The following LY75 variants were observed in gnomAD, a reference collection of about 807,000 sequenced individuals.
The protein encoded by LY75 is lymphocyte antigen 75, also known as C-type lectin domain family 13 member B.
LY75 carries 185 observed loss-of-function variants against 231.7 expected under a neutral mutation model. That is an observed-to-expected ratio of 0.80 (90% CI 0.71 to 0.90). The LOEUF (loss-of-function observed/expected upper bound fraction) is 0.90, where lower values mean the gene tolerates loss of function less well. Among genes scored for constraint, LY75 ranks in the 40% least tolerant of loss-of-function variants. The pLI, the probability that LY75 is intolerant of heterozygous loss-of-function variation, is 0.00. For synonymous variants in LY75, 668 were observed against 689.0 expected (o/e 0.97, Z 0.48); for missense variants, 1,947 against 2,050.2 (o/e 0.95, Z 0.97).
intron 16 of LY75, among the ~76,000 whole-genome samples, 169 bp from the exon 17 acceptor site, chr2:159,855,108 G>A (rs1456739101): frequency 6.6e-6 from 1 of 152,168 alleles, no homozygotes. Context: ...TTGTAGGGCC[G>A]ATGCTAAACC....
At chr2:159,890,072 T>C (rs1685703332) in intron 4 of LY75, 141 bp downstream of exon 4, 1 of 1,064,640 alleles carries the variant, frequency 9.4e-7, no homozygotes, top group Non-Finnish European at 1.3e-6. Flanking sequence ...TTTTTGCTTA[T>C]GGGTTTCAGT....
At chr2:159,849,277 G>A (rs1053806979) in intron 23 of LY75, among the ~76,000 whole-genome samples, 1 of 152,154 alleles carries the variant, frequency 6.6e-6, no homozygotes, top group African/African-American at 2.4e-5. Flanking sequence ...TGCCCTTTGT[G>A]CAAAAGGTAA....
rs1685980881 is a variant in LY75 at position 159,898,831 on chromosome 2, C to T, written c.323G>A (p.Trp108Ter). Residue 108 changes from tryptophan to a stop codon, truncating the protein, a stop_gained, in exon 2 of 35, where the codon TGG becomes TAG. Coordinates refer to ENST00000263636, the MANE Select transcript of LY75 (RefSeq NM_002349.4). LOFTEE classifies it high-confidence loss of function. ...GTACAGAGAGTGGTGCTCACATTTCCACCACAGCATGGCACTGGAGTCACA... is the reference window on the plus strand; with the variant it reads ...GTACAGAGAGTGGTGCTCACATTTCTACCACAGCATGGCACTGGAGTCACA... ...FSCDSSAMLW[W>*]KCEHHSLYGA... The T allele has an allele frequency of 6.2e-7, 1 of 1,614,214 alleles. No homozygotes were observed. Among genetic ancestry groups the T allele is most frequent in the African/African-American group, 1.3e-5 (1 of 75,052 alleles).
Position 159,898,700 on chromosome 2 carries a change from G to A in LY75, c.454C>T (p.Gln152Ter), listed in dbSNP as rs1462767897. The change falls in exon 2 of 35, where the codon CAG becomes TAG. Residue 152 changes from glutamine to a stop codon, truncating the protein, a stop_gained. Coordinates refer to ENST00000263636, the MANE Select transcript of LY75 (RefSeq NM_002349.4). LOFTEE classifies it high-confidence loss of function. ...CTCTAATACTCACCATGATAAGGCT[G>A]GTCACAAAGGCTTTCCTCTGAGCCT... The part of the protein sequence containing the change: ...KGGSEESLCD[Q>*]PYHEIYTRDG... The A allele has an allele frequency of 6.2e-7, 1 of 1,612,176 alleles. No homozygotes were observed. The highest frequency in any genetic ancestry group is 1.3e-5 in the African/African-American group (1 of 75,018).
At chr2:159,904,504 C>A in intron 1 of LY75, 85 bp downstream of exon 1, 1 of 1,372,664 alleles carries the variant, frequency 7.3e-7, no homozygotes, top group Non-Finnish European at 9.5e-7. Flanking sequence ...GCCCCAGGGG[C>A]GCAGCCCTGC....
chr2:159,863,141 C>T (rs1189311075), intron 14 of LY75, among the ~76,000 whole-genome samples: 1 of 151,752 alleles, frequency 6.6e-6, no homozygotes, highest in Non-Finnish European at 1.5e-5. Flanking sequence ...GGCAGGATTT[C>T]CTTCCCTTTT....
rs2125884049 is a variant in LY75, at chr2:159,893,855, C to T, written c.637+59G>A. ...GAGTCACTTTGAACTCTTCCTTCTC[C>T]CTATTGCCTCATATAAATGTACTAC... On this transcript the variant is annotated intron_variant, in intron 3 of 34. Coordinates refer to ENST00000263636, the MANE Select transcript of LY75 (RefSeq NM_002349.4). The T allele has an allele frequency of 2.6e-6, 4 of 1,524,108 alleles. No homozygotes were observed. In the South Asian group the frequency reaches 5.3e-5, roughly 20 times the overall value. 94.4% of individuals were successfully genotyped at this position (1,524,108 alleles called of 1,614,324 possible). A position where few individuals can be genotyped will look rare whatever the true frequency, so the allele number is the denominator to read the frequency against.
intron 13 of LY75, among the ~76,000 whole-genome samples, chr2:159,869,530 A>G (rs1303547274): frequency 6.6e-6 from 1 of 152,170 alleles, no homozygotes; most frequent in Admixed American, 6.5e-5. Context: ...ATATTTAGAG[A>G]AACTCTCACA....
chr2:159,808,633 A>G (rs899732101), intron 32 of LY75, 62 bp from the exon 33 acceptor site: 48 of 1,590,632 alleles, frequency 3.0e-5, no homozygotes, highest in Non-Finnish European at 3.9e-5. Flanking sequence ...GTTTATTCTC[A>G]ACTAGCCATT....
intron 14 of LY75, among the ~76,000 whole-genome samples, chr2:159,863,146 C>T (rs80335457): frequency 0.011 from 1,665 of 151,950 alleles, 20 homozygotes; most frequent in African/African-American, 0.038. Flanking sequence ...GATTTCCTTC[C>T]CTTTTATGGC....
chr2:159,852,041 T>A (rs776606206), intron 21 of LY75, among the ~76,000 whole-genome samples, 160 bp downstream of exon 21: 1 of 152,226 alleles, frequency 6.6e-6, no homozygotes, highest in Non-Finnish European at 1.5e-5. Context: ...ATTCTTGATA[T>A]CATCCACGGT....
In LY75 at chr2:159,850,149, A is replaced by T; in HGVS notation, c.2990-9T>A. ...CAAGGATGTAATAAAGTCTGTTAGA[A>T]AGAGATTTTTAAAAAGCATTTGATT... On this transcript the variant is annotated splice_polypyrimidine_tract_variant and intron_variant, in intron 22 of 34. Coordinates refer to ENST00000263636, the MANE Select transcript of LY75 (RefSeq NM_002349.4). 6.3e-7 allele frequency: 1 copy of T among 1,589,754 alleles called. No homozygotes were observed. The highest frequency in any genetic ancestry group is 8.5e-7 in the Non-Finnish European group (1 of 1,173,626).
At chr2:159,829,124 A>G (rs1560069565) in intron 28 of LY75, among the ~76,000 whole-genome samples, 1 of 152,230 alleles carries the variant, frequency 6.6e-6, no homozygotes, top group South Asian at 2.1e-4. Context: ...GATTGATGCC[A>G]TCACTACCTA....
intron 28 of LY75, among the ~76,000 whole-genome samples, chr2:159,830,080 C>T (rs1209128708): frequency 6.6e-6 from 1 of 152,118 alleles, no homozygotes; most frequent in Non-Finnish European, 1.5e-5. Flanking sequence ...AAGGTTTGGG[C>T]CAACTAAGTC....
chr2:159,868,847 G>A lies in LY75; in HGVS notation c.2117+3604C>T, dbSNP rs180875625. Among the ~76,000 whole-genome samples the A allele has an allele frequency of 3.8e-3, 583 of 152,228 alleles. 4 individuals are homozygous for A. Among genetic ancestry groups the A allele is most frequent in the African/African-American group, 0.014 (561 of 41,540 alleles). Reference sequence around the variant, plus strand: ...ATCTGGATAATATGATATTGTGTGTGTCAAGCTTGAAATCTAAGGGCCATT... The same window carrying A: ...ATCTGGATAATATGATATTGTGTGTATCAAGCTTGAAATCTAAGGGCCATT... On this transcript the variant is annotated intron_variant, in intron 13 of 34. Transcript: ENST00000263636.
chr2:159,896,091 T>C (rs910645174), intron 2 of LY75, among the ~76,000 whole-genome samples: 2 of 152,192 alleles, frequency 1.3e-5, no homozygotes, highest in African/African-American at 2.4e-5. Flanking sequence ...GACAAAATAG[T>C]TTCAATGGAT....
intron 23 of LY75, among the ~76,000 whole-genome samples, chr2:159,843,945 T>C (rs1035270772): frequency 3.9e-5 from 6 of 152,148 alleles, no homozygotes; most frequent in Admixed American, 2.6e-4. Flanking sequence ...GAGTCAATTA[T>C]AAATAAGGAA....
At chr2:159,860,719 A>G (rs1684676964) in intron 15 of LY75, 102 bp downstream of exon 15, 1 of 1,409,096 alleles carries the variant, frequency 7.1e-7, no homozygotes, top group Non-Finnish European at 9.9e-7. Flanking sequence ...TGCATCTAAC[A>G]TCATGCTTCA....
At chr2:159,875,372 T>C (rs1574581790) in intron 12 of LY75, 72 bp downstream of exon 12, 9 of 1,556,708 alleles carry the variant, frequency 5.8e-6, no homozygotes, top group South Asian at 2.5e-5. Flanking sequence ...AGAGCATAAT[T>C]TGTACAAGGA....
Sources: allele counts gnomAD v4.1 joint callset (sites outside exome capture counted in the v4.1 genomes callset), GRCh38; gene constraint gnomAD v4.1.1; transcripts MANE v1.5; gene names NCBI Gene and HGNC (gene_info 2026-07-23, HGNC 2026-07-21).